Variants in MAN2A1 observed in about 807,000 individuals in gnomAD.
MAN2A1 encodes mannosidase alpha class 2A member 1, also known as alpha-mannosidase 2.
Under a neutral mutation model 142.6 loss-of-function variants are expected in MAN2A1, and 76 were observed. The observed-to-expected ratio is 0.53, with a 90% CI of 0.44 to 0.65. The LOEUF (loss-of-function observed/expected upper bound fraction) is 0.65. Among genes scored for constraint, MAN2A1 ranks in the 30% least tolerant of loss-of-function variants. The pLI is 0.00. For missense variants in MAN2A1, 1,311 were observed against 1,365.1 expected (o/e 0.96, Z 0.62); for synonymous variants, 559 against 473.2 (o/e 1.18, Z -2.35).
chr5:109,713,711 C>T lies in MAN2A1; in HGVS notation c.327C>T (p.Leu109=), dbSNP rs1479827566. 5.6e-6 allele frequency: 9 copies of T among 1,614,142 alleles called. No individual in the cohort carries two copies. In the South Asian group the frequency reaches 9.9e-5, roughly 18 times the overall value. The change falls in exon 2 of 22, where the codon CTC becomes CTT. Residue 109 remains leucine (L), a synonymous_variant. Transcript: ENST00000261483. ...GSHLLPSQLS[L]SVDTADCLFA... is the part of the protein sequence containing the mutation. ...ATCTTCTGCCCTCACAATTATCCCT[C>T]TCAGTTGACACTGCAGACTGTCTGT...
chr5:109,711,249 A>C (rs1316039913), intron 1 of MAN2A1, among the ~76,000 whole-genome samples: 1 of 152,226 alleles, frequency 6.6e-6, no homozygotes, highest in East Asian at 1.9e-4. Context: ...TACTGCTTGT[A>C]ATAAGAGTAA....
chr5:109,865,527 G>C, intron 21 of MAN2A1: 1 of 181,104 alleles, frequency 5.5e-6, no homozygotes. Flanking sequence ...GCCAAGGCAA[G>C]TTTATAATAA....
intron 4 of MAN2A1, among the ~76,000 whole-genome samples, chr5:109,737,584 C>T (rs780954693): frequency 4.6e-5 from 7 of 151,962 alleles, no homozygotes; most frequent in Non-Finnish European, 8.8e-5. Flanking sequence ...TATCTTCGTA[C>T]AGTCAGTTTT....
chr5:109,861,798 G>A (rs1755766894), intron 20 of MAN2A1, among the ~76,000 whole-genome samples: 1 of 152,098 alleles, frequency 6.6e-6, no homozygotes, highest in Admixed American at 6.6e-5. Flanking sequence ...AAATGTGAGG[G>A]AATACACTGT....
intron 16 of MAN2A1, among the ~76,000 whole-genome samples, chr5:109,833,341 C>T (rs1012865953): frequency 8.5e-5 from 13 of 152,146 alleles, no homozygotes; most frequent in Non-Finnish European, 1.2e-4. Context: ...GAGGTTGTAG[C>T]GAGCCGAGAT....
chr5:109,842,806 GTT>G (rs768238978), intron 17 of MAN2A1, among the ~76,000 whole-genome samples: 4 of 116,194 alleles, frequency 3.4e-5, no homozygotes, highest in Admixed American at 9.3e-5. Flanking sequence ...TACTTATTGG[GTT>G]TTTTTTTTTT....
At chr5:109,866,735 C>G in intron 21 of MAN2A1, 111 bp from the exon 22 acceptor site, 2 of 627,890 alleles carry the variant, frequency 3.2e-6, no homozygotes, top group Non-Finnish European at 5.4e-6. Context: ...CAAAAGAGAA[C>G]TTCAACATAC....
chr5:109,842,287 A>T (rs1580308686), intron 16 of MAN2A1, 41 bp from the exon 17 acceptor site: 2 of 1,334,884 alleles, frequency 1.5e-6, no homozygotes, highest in African/African-American at 3.0e-5. Context: ...TGAGGCAAGT[A>T]ATTTCTTTCT....
intron 4 of MAN2A1, among the ~76,000 whole-genome samples, chr5:109,745,038 T>C (rs1752361753): frequency 6.6e-6 from 1 of 152,154 alleles, no homozygotes; most frequent in South Asian, 2.1e-4. Context: ...TTATGAATTC[T>C]GAGAGGAGAC....
chr5:109,844,741 C>T (rs1755303172), intron 17 of MAN2A1, among the ~76,000 whole-genome samples: 1 of 152,184 alleles, frequency 6.6e-6, no homozygotes, highest in Admixed American at 6.5e-5. Flanking sequence ...ACTCCCATCT[C>T]TACCTCTTTT....
intron 6 of MAN2A1, among the ~76,000 whole-genome samples, chr5:109,768,643 C>T (rs1190315350): frequency 6.6e-6 from 1 of 152,096 alleles, no homozygotes; most frequent in Non-Finnish European, 1.5e-5. Flanking sequence ...GTAATCTAGA[C>T]CCCTTAAGTG....
At chr5:109,711,126 A>G (rs1561472369) in intron 1 of MAN2A1, among the ~76,000 whole-genome samples, 1 of 152,198 alleles carries the variant, frequency 6.6e-6, no homozygotes, top group Non-Finnish European at 1.5e-5. Flanking sequence ...GTGCCCGGAC[A>G]AAATGTGGTA....
chr5:109,736,670 T>G (rs1752108723), intron 4 of MAN2A1, among the ~76,000 whole-genome samples: 1 of 152,202 alleles, frequency 6.6e-6, no homozygotes, highest in Non-Finnish European at 1.5e-5. Context: ...GCTTTTTTGT[T>G]ACTTGTTTTG....
chr5:109,772,566 A>G (rs1238334283), intron 7 of MAN2A1, among the ~76,000 whole-genome samples: 13 of 152,070 alleles, frequency 8.5e-5, no homozygotes, highest in South Asian at 6.2e-4. Flanking sequence ...CTGAAGTACA[A>G]TGACACAATA....
chr5:109,710,116 C>T (rs1289042677), intron 1 of MAN2A1, among the ~76,000 whole-genome samples: 1 of 152,150 alleles, frequency 6.6e-6, no homozygotes, highest in Non-Finnish European at 1.5e-5. Context: ...CCATTGTGTG[C>T]ATATATCCCT....
intron 2 of MAN2A1, among the ~76,000 whole-genome samples, chr5:109,715,702 A>G (rs553765035): frequency 2.6e-5 from 4 of 152,336 alleles, no homozygotes; most frequent in African/African-American, 9.6e-5. Context: ...GAGATTTACT[A>G]TAAAATAAAG....
At chr5:109,837,803 G>A (rs1183987838) in intron 16 of MAN2A1, among the ~76,000 whole-genome samples, 2 of 152,122 alleles carry the variant, frequency 1.3e-5, no homozygotes, top group Admixed American at 6.6e-5. Flanking sequence ...TAACATGCAT[G>A]TAACATATAT....
intron 9 of MAN2A1, among the ~76,000 whole-genome samples, chr5:109,784,049 G>A (rs1218142046): frequency 1.3e-5 from 2 of 151,956 alleles, no homozygotes; most frequent in Non-Finnish European, 2.9e-5. Flanking sequence ...GTCTCTCTAT[G>A]TTGTCCAGGC....
At chr5:109,786,833 C>CAAA (rs1420056611) in intron 10 of MAN2A1, among the ~76,000 whole-genome samples, 1 of 151,820 alleles carries the variant, frequency 6.6e-6, no homozygotes, top group Non-Finnish European at 1.5e-5. Flanking sequence ...TAATAGCAAC[C>CAAA]AGAAACAGAA....
Sources: allele counts gnomAD v4.1 joint callset (sites outside exome capture counted in the v4.1 genomes callset), GRCh38; gene constraint gnomAD v4.1.1; transcripts MANE v1.5; gene names NCBI Gene and HGNC (gene_info 2026-07-23, HGNC 2026-07-21).